Variants in CNTN5 observed in about 807,000 individuals in gnomAD.
CNTN5 encodes the protein contactin 5, also known as contactin-5.
A neutral mutation model predicts 129.1 loss-of-function variants in CNTN5; 77 were observed. The ratio of observed to expected loss-of-function variants is 0.60; its 90% confidence interval spans 0.50 to 0.72. The LOEUF (loss-of-function observed/expected upper bound fraction) is 0.72. Among genes scored for constraint, CNTN5 ranks in the 30% least tolerant of loss-of-function variants. CNTN5 has a pLI of 0.00. For synonymous variants in CNTN5, 509 were observed against 465.6 expected (o/e 1.09, Z -1.20); for missense variants, 1,478 against 1,328.8 (o/e 1.11, Z -1.75).
At chr11:99,418,251 A>T (rs1405394289) in intron 2 of CNTN5, among the ~76,000 whole-genome samples, 1 of 152,174 alleles carries the variant, frequency 6.6e-6, no homozygotes, top group Non-Finnish European at 1.5e-5. Flanking sequence ...AAACAAAAAA[A>T]TTTAAAGAAC....
intron 8 of CNTN5, among the ~76,000 whole-genome samples, chr11:99,971,998 C>T (rs1361984642): frequency 6.7e-6 from 1 of 148,850 alleles, no homozygotes; most frequent in South Asian, 2.1e-4. Context: ...GCCTGTAATC[C>T]CAGCACTTTG....
chr11:99,993,851 A>C (rs2137427674), intron 8 of CNTN5, among the ~76,000 whole-genome samples: 1 of 152,300 alleles, frequency 6.6e-6, no homozygotes, highest in South Asian at 2.1e-4. Context: ...AAGATGTCTA[A>C]AAAGCTTTCT....
At chr11:99,974,705 C>T (rs1412408077) in intron 8 of CNTN5, among the ~76,000 whole-genome samples, 1 of 152,098 alleles carries the variant, frequency 6.6e-6, no homozygotes, top group East Asian at 1.9e-4. Context: ...TGTAAGGTTG[C>T]CTGCTACATA....
chr11:99,587,100 G>T (rs562468139), intron 3 of CNTN5, among the ~76,000 whole-genome samples: 12 of 152,256 alleles, frequency 7.9e-5, no homozygotes, highest in Non-Finnish European at 1.6e-4. Flanking sequence ...TGAAAACCAG[G>T]TCATATTGCA....
chr11:99,834,673 A>T (rs1463755188), intron 4 of CNTN5, among the ~76,000 whole-genome samples: 2 of 152,236 alleles, frequency 1.3e-5, no homozygotes, highest in Non-Finnish European at 2.9e-5. Flanking sequence ...GTTATGATTT[A>T]AAAACTTTGA....
Position 100,174,764 on chromosome 11 carries a change from C to T in CNTN5, c.1581-16362C>T, listed in dbSNP as rs1055037057. Reference sequence around the variant, plus strand: ...CCTGGAGGTTCTGAAATTATTCGGTCGCTTAGCACACAAGTCTCTGCAGTT... The same window carrying T: ...CCTGGAGGTTCTGAAATTATTCGGTTGCTTAGCACACAAGTCTCTGCAGTT... On this transcript the variant is annotated intron_variant, in intron 13 of 24. Transcript: ENST00000524871. Among the ~76,000 whole-genome samples, 82 of 152,220 alleles carry T rather than the reference C, an allele frequency of 5.4e-4. 1 individual carries two copies. The highest frequency in any genetic ancestry group is 1.9e-3 in the African/African-American group (78 of 41,570).
At chr11:99,279,465 G>A (rs1042229600) in intron 1 of CNTN5, among the ~76,000 whole-genome samples, 1 of 151,796 alleles carries the variant, frequency 6.6e-6, no homozygotes, top group Admixed American at 6.6e-5. Flanking sequence ...CAGGAGATCT[G>A]CTAATGAGGA....
intron 1 of CNTN5, among the ~76,000 whole-genome samples, chr11:99,287,383 GA>G (rs567549237): frequency 6.6e-6 from 1 of 151,982 alleles, no homozygotes; most frequent in Non-Finnish European, 1.5e-5. Context: ...GCTTTATCTG[GA>G]AAAAAATAGT....
intron 1 of CNTN5, among the ~76,000 whole-genome samples, chr11:99,189,276 C>G (rs1858512721): frequency 6.6e-6 from 1 of 151,324 alleles, no homozygotes; most frequent in Admixed American, 6.6e-5. Context: ...TACTACATTT[C>G]TGTGTTTATT....
chr11:99,995,301 A>AT (rs1939371053), intron 8 of CNTN5, among the ~76,000 whole-genome samples: 1 of 149,676 alleles, frequency 6.7e-6, no homozygotes, highest in Admixed American at 6.7e-5. Context: ...CTTTAGTGAC[A>AT]TTTTTTTCTC....
At chr11:99,103,654 G>T (rs1159448552) in intron 1 of CNTN5, among the ~76,000 whole-genome samples, 1 of 151,766 alleles carries the variant, frequency 6.6e-6, no homozygotes, top group African/African-American at 2.4e-5. Context: ...TTGTGATTGT[G>T]ACCCTATTTG....
At chr11:99,223,219 C>G (rs1860495250) in intron 1 of CNTN5, among the ~76,000 whole-genome samples, 1 of 152,102 alleles carries the variant, frequency 6.6e-6, no homozygotes, top group South Asian at 2.1e-4. Flanking sequence ...CTGTGTACAT[C>G]AGAGAAAAAA....
At chr11:100,108,224 A>G (rs1194548268) in intron 13 of CNTN5, among the ~76,000 whole-genome samples, 1 of 152,080 alleles carries the variant, frequency 6.6e-6, no homozygotes, top group Admixed American at 6.6e-5. Context: ...GACAAATGTT[A>G]TTGAGCTTGG....
intron 3 of CNTN5, among the ~76,000 whole-genome samples, chr11:99,663,055 T>C (rs1342184202): frequency 6.6e-6 from 1 of 152,206 alleles, no homozygotes; most frequent in African/African-American, 2.4e-5. Flanking sequence ...GAGTAGTACT[T>C]TGAGTCATCT....
At chr11:100,280,656 G>C (rs1384967516) in intron 18 of CNTN5, among the ~76,000 whole-genome samples, 2 of 152,012 alleles carry the variant, frequency 1.3e-5, no homozygotes, top group Admixed American at 6.6e-5. Context: ...CTTTTGATTA[G>C]AGAGGTTAGT....
At chr11:99,345,108 T>G (rs1439168728) in intron 2 of CNTN5, among the ~76,000 whole-genome samples, 1 of 152,060 alleles carries the variant, frequency 6.6e-6, no homozygotes, top group Admixed American at 6.6e-5. Context: ...GTTAAATTAC[T>G]CAAAAGGGAA....
intron 2 of CNTN5, among the ~76,000 whole-genome samples, chr11:99,486,473 C>T (rs1395624179): frequency 1.3e-5 from 2 of 151,810 alleles, no homozygotes; most frequent in Admixed American, 1.3e-4. Context: ...CATTTTAGAA[C>T]AGTTAAATTT....
At chr11:99,149,317 G>A (rs2135483515) in intron 1 of CNTN5, among the ~76,000 whole-genome samples, 1 of 151,952 alleles carries the variant, frequency 6.6e-6, no homozygotes, top group Admixed American at 6.6e-5. Context: ...AAGGAAAGAA[G>A]GCAAATGAGA....
intron 1 of CNTN5, among the ~76,000 whole-genome samples, chr11:99,141,043 T>C (rs1859490400): frequency 6.6e-6 from 1 of 152,142 alleles, no homozygotes; most frequent in Non-Finnish European, 1.5e-5. Flanking sequence ...TCCTTCTCAA[T>C]TTTTTGGAAT....
Sources: allele counts gnomAD v4.1 joint callset (sites outside exome capture counted in the v4.1 genomes callset), GRCh38; gene constraint gnomAD v4.1.1; transcripts MANE v1.5; gene names NCBI Gene and HGNC (gene_info 2026-07-23, HGNC 2026-07-21).